The following IQCH variants were observed in gnomAD, a reference collection of about 807,000 sequenced individuals.
The protein encoded by IQCH is IQ domain-containing protein H.
A neutral mutation model predicts 117.0 loss-of-function variants in IQCH; 98 were observed. The observed-to-expected ratio is 0.84, with a 90% CI of 0.71 to 0.99. The LOEUF (loss-of-function observed/expected upper bound fraction) is 0.99, where lower values mean the gene tolerates loss of function less well. Ranked by LOEUF, IQCH falls within the 50% of genes least tolerant of loss-of-function variation. IQCH has a pLI of 0.00. For synonymous variants in IQCH, 412 were observed against 448.2 expected (o/e 0.92, Z 1.02); for missense variants, 1,102 against 1,243.8 (o/e 0.89, Z 1.72).
chr15:67,291,372 C>T (rs1414940990), intron 4 of IQCH, among the ~76,000 whole-genome samples: 6 of 152,008 alleles, frequency 3.9e-5, no homozygotes, highest in Non-Finnish European at 7.4e-5. Flanking sequence ...TCTAGAATTT[C>T]CTGGAATCTC....
chr15:67,352,312 T>TA (rs993547869), intron 6 of IQCH, among the ~76,000 whole-genome samples: 45 of 152,134 alleles, frequency 3.0e-4, no homozygotes, highest in Non-Finnish European at 4.4e-4. Context: ...TGTATCTTTT[T>TA]AAAAAAACCC....
chr15:67,358,103 C>T (rs1011406753), intron 7 of IQCH, among the ~76,000 whole-genome samples: 1 of 150,012 alleles, frequency 6.7e-6, no homozygotes, highest in East Asian at 1.9e-4. Flanking sequence ...AAGTGACCCA[C>T]CTGCCTCGGC....
chr15:67,492,871 A>G (rs1251213542), intron 19 of IQCH, among the ~76,000 whole-genome samples: 1 of 152,178 alleles, frequency 6.6e-6, no homozygotes. Flanking sequence ...TGTTTCATGA[A>G]CAGAGAAACT....
rs201566759 is a variant in IQCH at position 67,348,502 on chromosome 15, TA to T, written c.637+4318del. ...AAATGAACAATTGGAAATCGAATAT[TA>T]AAAAAATACCATTAACATAACAACA... On this transcript the variant is annotated intron_variant, in intron 6 of 20. Coordinates refer to ENST00000335894, the MANE Select transcript of IQCH (RefSeq NM_001031715.3). Among the ~76,000 whole-genome samples, 346 of 152,144 alleles carry T rather than the reference TA, an allele frequency of 2.3e-3. 7 individuals are homozygous for T. The East Asian group carries it at 0.059, about 26-fold the overall frequency.
At chr15:67,326,332 T>C (rs1968406868) in intron 4 of IQCH, among the ~76,000 whole-genome samples, 1 of 152,260 alleles carries the variant, frequency 6.6e-6, no homozygotes, top group Non-Finnish European at 1.5e-5. Flanking sequence ...TTCCATGGTA[T>C]ATATGTGCCT....
In IQCH at chr15:67,465,715, T is replaced by G. The variant is rs2082913825; in HGVS notation, c.2676+418T>G. 6.6e-6 allele frequency among the ~76,000 whole-genome samples: 1 copy of G among 152,094 alleles called. No individual in the cohort carries two copies. Among genetic ancestry groups the G allele is most frequent in the Non-Finnish European group, 1.5e-5 (1 of 68,012 alleles). ...CAAGCTATCCAAAACTGCATCACAT[T>G]TGTCTTTCTTCCTCCTGTACTTCCT... On this transcript the variant is annotated intron_variant, in intron 17 of 20. Coordinates refer to ENST00000335894, the MANE Select transcript of IQCH (RefSeq NM_001031715.3). The surrounding 1 kb of genome is among the most constrained non-coding windows in gnomAD (Gnocchi z 5.9).
In IQCH at chr15:67,384,526, T is replaced by G. The variant is rs1196485905; in HGVS notation, c.1373-410T>G. ...CTGAAATCTATGTGTCACTTTAGAA[T>G]GATTCTGGAACACATCTTCAAAATA... On this transcript the variant is annotated intron_variant, in intron 10 of 20. Transcript: ENST00000335894. The surrounding 1 kb of genome is among the most constrained non-coding windows in gnomAD (Gnocchi z 4.3). Among the ~76,000 whole-genome samples, 2 of 152,184 alleles carry G rather than the reference T, an allele frequency of 1.3e-5. No homozygotes were observed. Among genetic ancestry groups the G allele is most frequent in the Admixed American group, 6.5e-5 (1 of 15,270 alleles).
rs2081923674 is a variant in IQCH, at chr15:67,427,629, A to G, written c.2505+6052A>G. On this transcript the variant is annotated intron_variant, in intron 16 of 20. Coordinates refer to ENST00000335894, the MANE Select transcript of IQCH (RefSeq NM_001031715.3). The surrounding 1 kb of genome is among the most constrained non-coding windows in gnomAD (Gnocchi z 4.7). ...GCTTATTTTGCATCTGAGGTAACCTACAGTTCAAAACAGTCTTTATTTCAA... is the reference window on the plus strand; with the variant it reads ...GCTTATTTTGCATCTGAGGTAACCTGCAGTTCAAAACAGTCTTTATTTCAA... Among the ~76,000 whole-genome samples the G allele has an allele frequency of 6.6e-6, 1 of 152,208 alleles. No individual in the cohort carries two copies. The highest frequency in any genetic ancestry group is 2.1e-4 in the South Asian group (1 of 4,832).
chr15:67,434,326 G>A (rs534396492), intron 16 of IQCH, among the ~76,000 whole-genome samples: 287 of 152,236 alleles, frequency 1.9e-3, no homozygotes, highest in African/African-American at 6.7e-3. Context: ...GTGAGATCAT[G>A]CAGTATTTGT....
At chr15:67,256,024 C>A (rs2140417503) in intron 1 of IQCH, among the ~76,000 whole-genome samples, 1 of 152,278 alleles carries the variant, frequency 6.6e-6, no homozygotes, top group South Asian at 2.1e-4. Flanking sequence ...CCCAGAACCA[C>A]CTCACTTCAG....
At chr15:67,374,819 A>T (rs1228383913) in intron 10 of IQCH, among the ~76,000 whole-genome samples, 1 of 152,252 alleles carries the variant, frequency 6.6e-6, no homozygotes, top group African/African-American at 2.4e-5. Flanking sequence ...GGCTAATTGC[A>T]GACCTCATTA....
At chr15:67,335,740 T>A (rs774420432) in intron 4 of IQCH, among the ~76,000 whole-genome samples, 3 of 152,082 alleles carry the variant, frequency 2.0e-5, no homozygotes, top group Non-Finnish European at 4.4e-5. Context: ...CACCTCCCTT[T>A]CCCCTTCTGA....
chr15:67,383,189 G>A (rs1970997079), intron 10 of IQCH, among the ~76,000 whole-genome samples: 1 of 152,134 alleles, frequency 6.6e-6, no homozygotes, highest in Non-Finnish European at 1.5e-5. Flanking sequence ...AAAGCACTTT[G>A]CAGCTTACAA....
At chr15:67,345,647 C>T (rs1401706956) in intron 6 of IQCH, among the ~76,000 whole-genome samples, 1 of 152,158 alleles carries the variant, frequency 6.6e-6, no homozygotes, top group African/African-American at 2.4e-5. Flanking sequence ...CCTGACCATA[C>T]TCCTCAATAC....
chr15:67,489,861 A>C (rs1056607272), intron 18 of IQCH, 142 bp from the exon 19 acceptor site: 43 of 720,238 alleles, frequency 6.0e-5, no homozygotes, highest in Admixed American at 1.4e-4. Flanking sequence ...CAGCCTTTCC[A>C]AATGTGTTCT....
At chr15:67,311,705 CT>C (rs530707744) in intron 4 of IQCH, among the ~76,000 whole-genome samples, 1 of 151,798 alleles carries the variant, frequency 6.6e-6, no homozygotes, top group Admixed American at 6.6e-5. Flanking sequence ...ATACTAAATT[CT>C]TATAAAATTT....
At position 67,417,485 on chromosome 15, in the gene IQCH, T is replaced by C. The variant is rs1005284191; in HGVS notation, c.2218+434T>C. On this transcript the variant is annotated intron_variant, in intron 15 of 20. Transcript: ENST00000335894. The surrounding 1 kb of genome is among the most constrained non-coding windows in gnomAD (Gnocchi z 4.3). ...TACCACAGAACCTTACACAAAATCA[T>C]CTTTAATAAGTGTTAGTTTCTCCTT... Among the ~76,000 whole-genome samples, 7 of 152,236 alleles carry C rather than the reference T, an allele frequency of 4.6e-5. No individual in the cohort carries two copies. Among genetic ancestry groups the C allele is most frequent in the African/African-American group, 1.7e-4 (7 of 41,470 alleles).
chr15:67,337,809 C>T (rs1824614750), intron 5 of IQCH, among the ~76,000 whole-genome samples: 3 of 152,152 alleles, frequency 2.0e-5, no homozygotes, highest in Admixed American at 6.5e-5. Flanking sequence ...CTTAGTGAGA[C>T]GGTCTTTAAT....
At position 67,416,928 on chromosome 15, in the gene IQCH, C is replaced by T; in HGVS notation, c.2098-3C>T. 1 of 1,586,074 alleles carries T rather than the reference C, an allele frequency of 6.3e-7. No individual in the cohort carries two copies. The highest frequency in any genetic ancestry group is 8.6e-7 in the Non-Finnish European group (1 of 1,166,914). On this transcript the variant is annotated splice_polypyrimidine_tract_variant and splice_region_variant and intron_variant, in intron 14 of 20. Coordinates refer to ENST00000335894, the MANE Select transcript of IQCH (RefSeq NM_001031715.3). This position sits in a 1 kb window ranked among gnomAD's most constrained non-coding sequence, Gnocchi z 5.1. The stretch of plus-strand genomic sequence containing the variant: ...TGTGGTTCTATTTAATTTGTTTCTG[C>T]AGGAGCCAGCTTTGGTGAAGATCTC...
Sources: allele counts gnomAD v4.1 joint callset (sites outside exome capture counted in the v4.1 genomes callset), GRCh38; gene constraint gnomAD v4.1.1; non-coding constraint Gnocchi (gnomAD v3.1); transcripts MANE v1.5; gene names NCBI Gene and HGNC (gene_info 2026-07-23, HGNC 2026-07-21).